Variants in CAMTA1 observed in about 807,000 individuals in gnomAD.
CAMTA1 encodes calmodulin-binding transcription activator 1.
CAMTA1 carries 27 observed loss-of-function variants against 170.9 expected under a neutral mutation model. The ratio of observed to expected loss-of-function variants is 0.16; its 90% CI spans 0.12 to 0.22. The LOEUF (loss-of-function observed/expected upper bound fraction) is 0.22. Among genes scored for constraint, CAMTA1 ranks in the 10% least tolerant of loss-of-function variants. The pLI is 1.00. For synonymous variants in CAMTA1, 833 were observed against 891.5 expected (o/e 0.93, Z 1.17); for missense variants, 1,619 against 2,217.2 (o/e 0.73, Z 5.42).
At chr1:7,640,597 G>A in intron 7 of CAMTA1, 44 bp downstream of exon 7, 1 of 1,612,728 alleles carries the variant, frequency 6.2e-7, no homozygotes, top group East Asian at 2.2e-5. Flanking sequence ...CTGGGAACCA[G>A]GCTGGCATCA....
chr1:7,269,737 C>G (rs771176197), intron 5 of CAMTA1, among the ~76,000 whole-genome samples: 8 of 152,140 alleles, frequency 5.3e-5, no homozygotes, highest in Non-Finnish European at 1.0e-4. Flanking sequence ...TAGAGAGCAA[C>G]ATCAAATGAT....
At chr1:7,423,831 A>C (rs546283720) in intron 5 of CAMTA1, among the ~76,000 whole-genome samples, 13 of 152,158 alleles carry the variant, frequency 8.5e-5, no homozygotes, top group Non-Finnish European at 1.9e-4. Flanking sequence ...TTAGGCAAAT[A>C]AATATTTAAC....
rs2096674548 is a variant in CAMTA1, at chr1:7,725,037, G to T, written c.2915-7411G>T. ...TCTCAGAGCTGCCCAGGCTGAAACTGCTGCTTCCACAAAAAAGGAGCACAG... is the reference window on the plus strand; with the variant it reads ...TCTCAGAGCTGCCCAGGCTGAAACTTCTGCTTCCACAAAAAAGGAGCACAG... On this transcript the variant is annotated intron_variant, in intron 11 of 22. Coordinates refer to ENST00000303635, the MANE Select transcript of CAMTA1 (RefSeq NM_015215.4). Among the ~76,000 whole-genome samples the T allele has an allele frequency of 1.3e-5, 2 of 152,140 alleles. 1 individual carries two copies. The highest frequency in any genetic ancestry group is 4.1e-4 in the South Asian group (2 of 4,828).
At chr1:6,875,168 A>G (rs1243077407) in intron 3 of CAMTA1, among the ~76,000 whole-genome samples, 2 of 152,202 alleles carry the variant, frequency 1.3e-5, no homozygotes, top group East Asian at 3.9e-4. Flanking sequence ...TGCCATTCAT[A>G]TCACAGCACT....
At chr1:7,601,612 C>G (rs945067760) in intron 6 of CAMTA1, among the ~76,000 whole-genome samples, 11 of 152,182 alleles carry the variant, frequency 7.2e-5, no homozygotes, top group African/African-American at 2.4e-4. Context: ...GAGGTTGTAG[C>G]GAGCCGAGAT....
chr1:7,223,851 C>T (rs139609001), intron 4 of CAMTA1, among the ~76,000 whole-genome samples: 25 of 152,222 alleles, frequency 1.6e-4, no homozygotes, highest in African/African-American at 6.0e-4. Context: ...CTTTTAATCT[C>T]AAATTTTATT....
intron 5 of CAMTA1, among the ~76,000 whole-genome samples, chr1:7,297,788 G>GT (rs1348341069): frequency 2.0e-5 from 3 of 151,960 alleles, no homozygotes; most frequent in Non-Finnish European, 4.4e-5. Context: ...TATCTTGTGT[G>GT]TTTTTTTTCT....
chr1:7,269,801 T>C (rs1669430325), intron 5 of CAMTA1, among the ~76,000 whole-genome samples: 1 of 152,036 alleles, frequency 6.6e-6, no homozygotes, highest in Non-Finnish European at 1.5e-5. Flanking sequence ...GGCAGAAAAA[T>C]AGTTGAAGAA....
chr1:7,676,784 G>A (rs566424035), intron 10 of CAMTA1, among the ~76,000 whole-genome samples: 1 of 152,334 alleles, frequency 6.6e-6, no homozygotes, highest in African/African-American at 2.4e-5. Context: ...TGGGCCACAG[G>A]CCAGCCCCCA....
chr1:7,473,801 C>A lies in CAMTA1; in HGVS notation c.510+5900C>A, dbSNP rs559782968. 3.3e-5 allele frequency among the ~76,000 whole-genome samples: 5 copies of A among 152,360 alleles called. No homozygotes were observed. The East Asian group carries it at 9.6e-4, about 29-fold the overall frequency. ...CATGGTGGGTCTGAGATGAGCCCAG[C>A]TCCACACTGGGGCATTAGTGTAGTT... On this transcript the variant is annotated intron_variant, in intron 6 of 22. Coordinates refer to ENST00000303635, the MANE Select transcript of CAMTA1 (RefSeq NM_015215.4).
At chr1:7,692,502 G>C in intron 11 of CAMTA1, among the ~76,000 whole-genome samples, 1 of 152,050 alleles carries the variant, frequency 6.6e-6, no homozygotes, top group Admixed American at 6.5e-5. Flanking sequence ...ACATTAGCCT[G>C]GTGAAGGAAA....
chr1:7,701,219 G>C (rs772588032), intron 11 of CAMTA1, among the ~76,000 whole-genome samples: 2 of 152,128 alleles, frequency 1.3e-5, no homozygotes, highest in South Asian at 4.1e-4. Flanking sequence ...TGAAGCTTTC[G>C]TCTTACCCTC....
rs539879999 is a variant in CAMTA1, at chr1:7,013,059, C to T, written c.235-78245C>T. Among the ~76,000 whole-genome samples, 14 of 152,194 alleles carry T rather than the reference C, an allele frequency of 9.2e-5. No homozygotes were observed. In the East Asian group the frequency reaches 1.9e-3, roughly 21 times the overall value. On this transcript the variant is annotated intron_variant, in intron 3 of 22. Coordinates refer to ENST00000303635, the MANE Select transcript of CAMTA1 (RefSeq NM_015215.4). ...CTGAGTCCCCTCTCTCGTCTCCACA[C>T]GTCCAGACCTTCAACAAACCCTGTG...
chr1:7,394,322 T>C (rs1428497551), intron 5 of CAMTA1, among the ~76,000 whole-genome samples: 1 of 152,200 alleles, frequency 6.6e-6, no homozygotes, highest in East Asian at 1.9e-4. Flanking sequence ...TGTATGAGAT[T>C]CCCCCTTTCT....
intron 3 of CAMTA1, among the ~76,000 whole-genome samples, chr1:6,933,051 G>T (rs538626701): frequency 1.3e-5 from 2 of 150,780 alleles, no homozygotes; most frequent in South Asian, 2.1e-4. Flanking sequence ...TCATGGTGTT[G>T]TATCTAAGCA....
intron 11 of CAMTA1, 92 bp downstream of exon 11, chr1:7,677,825 C>T: frequency 7.0e-7 from 1 of 1,429,554 alleles, no homozygotes; most frequent in African/African-American, 1.4e-5. Context: ...AGTAAGCACC[C>T]AGAAAGGGGC....
chr1:7,549,171 G>A (rs2094761942), intron 6 of CAMTA1, among the ~76,000 whole-genome samples: 1 of 148,934 alleles, frequency 6.7e-6, no homozygotes, highest in African/African-American at 2.5e-5. Context: ...GCTGGTGGAG[G>A]GCACCCCTTA....
chr1:6,862,665 C>T (rs1665192500), intron 3 of CAMTA1, among the ~76,000 whole-genome samples: 1 of 152,214 alleles, frequency 6.6e-6, no homozygotes, highest in African/African-American at 2.4e-5. Flanking sequence ...TTTGGCTGTG[C>T]CATCCTCCCT....
At chr1:6,959,744 G>A (rs150150579) in intron 3 of CAMTA1, among the ~76,000 whole-genome samples, 1 of 152,286 alleles carries the variant, frequency 6.6e-6, no homozygotes, top group African/African-American at 2.4e-5. Flanking sequence ...TTTCCTTGAG[G>A]TTACGTTGCT....
Sources: gnomAD v4.1 joint callset for allele counts (sites outside exome capture counted in the v4.1 genomes callset) on GRCh38, gnomAD v4.1.1 for gene constraint, MANE v1.5 for transcripts, NCBI Gene and HGNC (gene_info 2026-07-23, HGNC 2026-07-21) for gene names.